PDCL2: variants seen among roughly 807,000 people sequenced by gnomAD.
The protein encoded by PDCL2 is phosducin like 2.
In PDCL2, 23 loss-of-function variants were observed where a neutral mutation model predicts 30.3. The observed-to-expected ratio is 0.76, with a 90% CI of 0.55 to 1.08. The LOEUF is 1.08. PDCL2 is among the 50% of genes least tolerant of loss of function. PDCL2 has a pLI of 0.00. For synonymous variants in PDCL2, 68 were observed against 86.2 expected, an observed-to-expected ratio of 0.79 and a Z score of 1.17; for missense variants, 243 against 282.3, an observed-to-expected ratio of 0.86 and a Z score of 1.00.
chr4:55,578,477 A>G (rs1345355132), intron 3 of PDCL2, among the ~76,000 whole-genome samples: 1 of 152,226 alleles, frequency 6.6e-6, no homozygotes, highest in East Asian at 1.9e-4. Context: ...AATATTCTCC[A>G]GAGTACTAAA....
chr4:55,573,744 C>G (rs928357259), intron 3 of PDCL2, among the ~76,000 whole-genome samples: 45 of 151,954 alleles, frequency 3.0e-4, no homozygotes, highest in African/African-American at 1.0e-3. Flanking sequence ...GAGCAAGACT[C>G]TGTCCTCCTC....
At chr4:55,563,691 G>A (rs1204157211) in intron 4 of PDCL2, among the ~76,000 whole-genome samples, 2 of 152,208 alleles carry the variant, frequency 1.3e-5, no homozygotes, top group African/African-American at 4.8e-5. Context: ...ATGGGGGACA[G>A]AAGCTTATAT....
At chr4:55,591,944 C>T (rs1227412381) in intron 1 of PDCL2, among the ~76,000 whole-genome samples, 160 bp downstream of exon 1, 4 of 152,158 alleles carry the variant, frequency 2.6e-5, no homozygotes, top group Non-Finnish European at 5.9e-5. Flanking sequence ...GGATTTTTCT[C>T]AAAACTAGAC....
intron 5 of PDCL2, among the ~76,000 whole-genome samples, chr4:55,557,990 AG>A (rs1349703591): frequency 6.6e-6 from 1 of 150,824 alleles, no homozygotes; most frequent in Non-Finnish European, 1.5e-5. Context: ...GCGTGGTGGC[AG>A]GCACCTGTAA....
intron 1 of PDCL2, among the ~76,000 whole-genome samples, chr4:55,587,890 A>G (rs1217600069): frequency 6.6e-6 from 1 of 151,314 alleles, no homozygotes; most frequent in East Asian, 2.0e-4. Context: ...ATATCCTCTG[A>G]CGCAAAAAAA....
chr4:55,558,547 C>T (rs1017982980), intron 5 of PDCL2, among the ~76,000 whole-genome samples: 1 of 152,178 alleles, frequency 6.6e-6, no homozygotes, highest in Non-Finnish European at 1.5e-5. Flanking sequence ...TACCCAGTCT[C>T]AGGTATGTCT....
intron 4 of PDCL2, among the ~76,000 whole-genome samples, chr4:55,568,071 A>G (rs1732317727): frequency 6.6e-6 from 1 of 152,238 alleles, no homozygotes; most frequent in Admixed American, 6.5e-5. Context: ...CATACAGGCT[A>G]TACAGGGTTA....
chr4:55,581,773 A>G (rs1732719025), intron 2 of PDCL2, among the ~76,000 whole-genome samples: 1 of 152,190 alleles, frequency 6.6e-6, no homozygotes, highest in Non-Finnish European at 1.5e-5. Flanking sequence ...GCACGATCTC[A>G]GCTCACTGCA....
At chr4:55,569,050 A>T (rs1205995607) in intron 4 of PDCL2, among the ~76,000 whole-genome samples, 1 of 152,128 alleles carries the variant, frequency 6.6e-6, no homozygotes, top group East Asian at 1.9e-4. Context: ...TATAAGCCCA[A>T]GTTCTAACCA....
intron 4 of PDCL2, 21 bp from the exon 5 acceptor site, chr4:55,562,633 C>G (rs191807821): frequency 6.7e-7 from 1 of 1,501,658 alleles, no homozygotes; most frequent in East Asian, 2.3e-5. Context: ...AAACAGTACA[C>G]ACAATCTTTA....
intron 1 of PDCL2, among the ~76,000 whole-genome samples, chr4:55,586,574 C>T (rs573722610): frequency 1.3e-5 from 2 of 152,266 alleles, no homozygotes; most frequent in South Asian, 4.1e-4. Context: ...GTTTATTCAT[C>T]CATCAATGGA....
At chr4:55,584,636 G>T (rs1327837246) in intron 1 of PDCL2, among the ~76,000 whole-genome samples, 1 of 151,982 alleles carries the variant, frequency 6.6e-6, no homozygotes, top group Admixed American at 6.5e-5. Context: ...CAGTTTTTTT[G>T]GTGGGGACTT....
chr4:55,571,702 T>TAAAAAAAAAAAAAA (rs1560501588), intron 3 of PDCL2, among the ~76,000 whole-genome samples: 1 of 137,698 alleles, frequency 7.3e-6, no homozygotes, highest in Admixed American at 7.4e-5. Context: ...AAAAAAAAAT[T>TAAAAAAAAAAAAAA]TTTGACCTTA....
intron 4 of PDCL2, among the ~76,000 whole-genome samples, chr4:55,565,650 C>T (rs949957615): frequency 1.3e-5 from 2 of 152,132 alleles, no homozygotes; most frequent in African/African-American, 4.8e-5. Flanking sequence ...TTAGTGAGGA[C>T]ACAGCCAAAC....
At chr4:55,561,931 G>A (rs1012605901) in intron 5 of PDCL2, among the ~76,000 whole-genome samples, 6 of 152,224 alleles carry the variant, frequency 3.9e-5, no homozygotes, top group Admixed American at 2.6e-4. Flanking sequence ...AAAAGATTAC[G>A]AATTGGTCCA....
intron 3 of PDCL2, among the ~76,000 whole-genome samples, chr4:55,572,968 C>T (rs530978955): frequency 2.0e-5 from 3 of 152,132 alleles, no homozygotes; most frequent in Non-Finnish European, 4.4e-5. Context: ...CCGTGTTAGC[C>T]AGGATGGTCT....
chr4:55,566,811 A>C (rs1478239022), intron 4 of PDCL2, among the ~76,000 whole-genome samples: 18 of 67,940 alleles, frequency 2.6e-4, no homozygotes, highest in African/African-American at 8.2e-4. Flanking sequence ...GAGAAGGTTT[A>C]CTTAAAGTAT....
intron 5 of PDCL2, among the ~76,000 whole-genome samples, chr4:55,557,304 A>T (rs1731996680): frequency 6.6e-6 from 1 of 152,164 alleles, no homozygotes. Context: ...AAGAACAGAG[A>T]TTTATTTCTT....
chr4:55,567,993 A>T (rs1732316789), intron 4 of PDCL2, among the ~76,000 whole-genome samples: 1 of 152,154 alleles, frequency 6.6e-6, no homozygotes, highest in Non-Finnish European at 1.5e-5. Context: ...AATAACTTTT[A>T]TGGGGCATTT....
Sources: gnomAD v4.1 joint callset for allele counts (sites outside exome capture counted in the v4.1 genomes callset) on GRCh38, gnomAD v4.1.1 for gene constraint, MANE v1.5 for transcripts, NCBI Gene and HGNC (gene_info 2026-07-23, HGNC 2026-07-21) for gene names.